SUPT3H: variants seen among roughly 807,000 people sequenced by gnomAD.
The protein encoded by SUPT3H is SPT3 homolog, SAGA and STAGA complex component, also known as transcription initiation protein SPT3 homolog.
SUPT3H carries 44 observed loss-of-function variants against 44.3 expected under a neutral mutation model. The ratio of observed to expected loss-of-function variants is 0.99; its 90% CI spans 0.78 to 1.28. The LOEUF (loss-of-function observed/expected upper bound fraction) is 1.28. Ranked by LOEUF, SUPT3H falls within the 50% of genes most tolerant of loss-of-function variation. The probability of loss-of-function intolerance (pLI) is 0.00; values close to 1 mark genes in which losing one functional copy is unlikely to be tolerated. For missense variants in SUPT3H, 380 were observed against 387.1 expected, an observed-to-expected ratio of 0.98 and a Z score of 0.15; for synonymous variants, 124 against 125.6, an observed-to-expected ratio of 0.99 and a Z score of 0.09.
At chr6:44,916,269 T>C (rs1258127641) in intron 10 of SUPT3H, among the ~76,000 whole-genome samples, 2 of 152,236 alleles carry the variant, frequency 1.3e-5, no homozygotes, top group Non-Finnish European at 2.9e-5. Context: ...TTCATTTTTT[T>C]CTTTCAATCT....
chr6:45,308,977 TG>T (rs1342068278), intron 2 of SUPT3H, among the ~76,000 whole-genome samples: 1 of 146,712 alleles, frequency 6.8e-6, no homozygotes, highest in Admixed American at 6.9e-5. Context: ...TCTAAATATT[TG>T]GAAAAAAAAA....
At chr6:45,329,376 C>T (rs1786997492) in intron 2 of SUPT3H, among the ~76,000 whole-genome samples, 1 of 151,924 alleles carries the variant, frequency 6.6e-6, no homozygotes, top group African/African-American at 2.4e-5. Flanking sequence ...TATAAGTATA[C>T]ATTCAGCTGA....
At chr6:45,023,956 C>T (rs1020341286) in intron 3 of SUPT3H, among the ~76,000 whole-genome samples, 1 of 152,096 alleles carries the variant, frequency 6.6e-6, no homozygotes, top group East Asian at 1.9e-4. Flanking sequence ...AGCAACTGGG[C>T]AGTCCAATTC....
chr6:45,075,234 G>A (rs1794858344), intron 3 of SUPT3H, among the ~76,000 whole-genome samples: 1 of 151,984 alleles, frequency 6.6e-6, no homozygotes, highest in South Asian at 2.1e-4. Context: ...CCACTTATGT[G>A]CTTGTACATT....
chr6:45,105,843 T>A, intron 3 of SUPT3H, 79 bp downstream of exon 3: 1 of 1,093,226 alleles, frequency 9.1e-7, no homozygotes, highest in Admixed American at 2.2e-5. Context: ...GTAAATAAAA[T>A]GTTTTTAAAG....
chr6:45,230,977 T>C (rs930108640), intron 2 of SUPT3H, among the ~76,000 whole-genome samples: 1 of 152,074 alleles, frequency 6.6e-6, no homozygotes, highest in African/African-American at 2.4e-5. Flanking sequence ...AGCCAATCTA[T>C]ATCTTTTAAG....
At chr6:45,019,132 C>T (rs897747001) in intron 4 of SUPT3H, among the ~76,000 whole-genome samples, 298 of 152,102 alleles carry the variant, frequency 2.0e-3, no homozygotes, top group African/African-American at 6.7e-3. Context: ...AGTTTATTTG[C>T]GTAGAGGTGT....
intron 3 of SUPT3H, among the ~76,000 whole-genome samples, chr6:45,047,869 T>A (rs1282698492): frequency 1.3e-5 from 2 of 152,128 alleles, no homozygotes; most frequent in African/African-American, 4.8e-5. Context: ...TTTTCATATA[T>A]GTGTTGGCCA....
rs749641351 is a variant in SUPT3H at position 45,061,507 on chromosome 6, C to G, written c.187-40875G>C. Reference sequence around the variant, plus strand: ...AATGCATGCTGGGCTTAATACCTAGCTGATGGGTTGATCTGTGCAGCAAAC... The same window carrying G: ...AATGCATGCTGGGCTTAATACCTAGGTGATGGGTTGATCTGTGCAGCAAAC... On this transcript the variant is annotated intron_variant, in intron 3 of 10. Transcript: ENST00000371459. Among the ~76,000 whole-genome samples, 6 of 152,098 alleles carry G rather than the reference C, an allele frequency of 3.9e-5. No individual in the cohort carries two copies. In the East Asian group the frequency reaches 1.2e-3, roughly 29 times the overall value.
chr6:45,042,075 G>T (rs1211627793), intron 3 of SUPT3H, among the ~76,000 whole-genome samples: 1 of 152,094 alleles, frequency 6.6e-6, no homozygotes, highest in Non-Finnish European at 1.5e-5. Flanking sequence ...TAAAAAACTT[G>T]AATTTAATAT....
At chr6:45,111,531 C>T (rs1384053435) in intron 2 of SUPT3H, among the ~76,000 whole-genome samples, 1 of 135,620 alleles carries the variant, frequency 7.4e-6, no homozygotes, top group Non-Finnish European at 1.6e-5. Flanking sequence ...CCCCCTCCCT[C>T]CCCCCCGCAA....
intron 2 of SUPT3H, among the ~76,000 whole-genome samples, chr6:45,364,902 A>G (rs1193898276): frequency 5.9e-5 from 9 of 152,224 alleles, no homozygotes; most frequent in African/African-American, 1.9e-4. Flanking sequence ...ATAGAAATAA[A>G]CAATACATAA....
intron 2 of SUPT3H, among the ~76,000 whole-genome samples, chr6:45,136,903 T>C (rs1172143797): frequency 6.6e-6 from 1 of 151,630 alleles, no homozygotes; most frequent in South Asian, 2.1e-4. Context: ...AAATTCCAAA[T>C]GTAATGAAAA....
chr6:45,293,961 G>C (rs955155753), intron 2 of SUPT3H, among the ~76,000 whole-genome samples: 1 of 152,024 alleles, frequency 6.6e-6, no homozygotes, highest in African/African-American at 2.4e-5. Context: ...TAGAGAAAGA[G>C]GGAACCCTCC....
At chr6:45,089,403 T>C (rs1424689098) in intron 3 of SUPT3H, among the ~76,000 whole-genome samples, 4 of 152,058 alleles carry the variant, frequency 2.6e-5, no homozygotes, top group Admixed American at 6.6e-5. Flanking sequence ...CCATTTCACT[T>C]GTAACCAGGC....
chr6:45,286,783 A>G (rs1343167334), intron 2 of SUPT3H, among the ~76,000 whole-genome samples: 1 of 152,216 alleles, frequency 6.6e-6, no homozygotes, highest in African/African-American at 2.4e-5. Flanking sequence ...CTATAAAGAC[A>G]CATGCACACG....
intron 2 of SUPT3H, among the ~76,000 whole-genome samples, chr6:45,161,542 AT>A (rs1053536521): frequency 1.3e-5 from 2 of 152,030 alleles, no homozygotes; most frequent in Non-Finnish European, 2.9e-5. Flanking sequence ...CATAAACTGC[AT>A]TTTTTTCAAA....
intron 10 of SUPT3H, among the ~76,000 whole-genome samples, chr6:44,915,952 A>G (rs1159793396): frequency 6.6e-6 from 1 of 152,154 alleles, no homozygotes; most frequent in African/African-American, 2.4e-5. Flanking sequence ...GTGGTTACTC[A>G]TATTTGGCTC....
At chr6:44,890,875 T>A (rs1479548107) in intron 10 of SUPT3H, among the ~76,000 whole-genome samples, 2 of 151,150 alleles carry the variant, frequency 1.3e-5, no homozygotes, top group East Asian at 3.9e-4. Context: ...ACTATCATTC[T>A]CAGCAAACCA....
Sources: gnomAD v4.1 joint callset for allele counts (sites outside exome capture counted in the v4.1 genomes callset) on GRCh38, gnomAD v4.1.1 for gene constraint, MANE v1.5 for transcripts, NCBI Gene and HGNC (gene_info 2026-07-23, HGNC 2026-07-21) for gene names.